LTC4S: variants seen among roughly 807,000 people sequenced by gnomAD.
LTC4S encodes leukotriene C4 synthase.
Under a neutral mutation model 19.6 loss-of-function variants are expected in LTC4S, and 18 were observed. The ratio of observed to expected loss-of-function variants is 0.92; its 90% confidence interval spans 0.64 to 1.36. The LOEUF is 1.36. Among genes scored for constraint, LTC4S ranks in the 40% most tolerant of loss-of-function variants. LTC4S has a pLI of 0.00. For missense variants in LTC4S, 235 were observed against 212.2 expected, an observed-to-expected ratio of 1.11 and a Z score of -0.67; for synonymous variants, 126 against 110.1, an observed-to-expected ratio of 1.14 and a Z score of -0.91.
rs766845561 is a variant in LTC4S at position 179,794,019 on chromosome 5, C to T, written c.-62C>T. On this transcript the variant is annotated 5_prime_UTR_variant, in exon 1 of 5. In the 5' UTR this introduces an upstream ATG that the reference lacks. Coordinates refer to ENST00000292596, the MANE Select transcript of LTC4S (RefSeq NM_145867.2). ...CCTGGGCCGTCCTCTGAGCAGCAGA[C>T]GGGGCTAAGCGTTCCCCAGCTCGCC... The T allele has an allele frequency of 7.1e-5, 114 of 1,611,762 alleles. No individual in the cohort carries two copies. The highest frequency in any genetic ancestry group is 9.3e-5 in the African/African-American group (7 of 74,884).
Position 179,796,262 on chromosome 5 carries a change from G to A in LTC4S, c.321G>A (p.Pro107=). The change falls in exon 5 of 5, where the codon CCG becomes CCA. Residue 107 remains proline (P), a synonymous_variant. Transcript: ENST00000292596. ...YARSAQLRLA[P]LYASARALWL... ...TGACCGCCGCCCGCAGGCTGGCACC[G>A]CTGTACGCGAGCGCGCGCGCCCTCT... 2.0e-6 allele frequency: 3 copies of A among 1,465,528 alleles called. No homozygotes were observed. Among genetic ancestry groups the A allele is most frequent in the South Asian group, 1.3e-5 (1 of 77,078 alleles). 90.8% of individuals were successfully genotyped at this position (1,465,528 alleles called of 1,614,324 possible).
At position 179,795,215 on chromosome 5, in the gene LTC4S, A is replaced by G. The variant is rs530649684; in HGVS notation, c.59-369A>G. The stretch of plus-strand genomic sequence containing the variant: ...CTCCCGAGGCACTTCCTGGCCAGGG[A>G]CCTGAAAGCTGCATTTGCCTGTGTT... On this transcript the variant is annotated intron_variant, in intron 1 of 4. Coordinates refer to ENST00000292596, the MANE Select transcript of LTC4S (RefSeq NM_145867.2). 84 of 338,252 alleles carry G rather than the reference A, an allele frequency of 2.5e-4. 1 individual carries two copies. The highest frequency in any genetic ancestry group is 1.9e-3 in the Middle Eastern group (2 of 1,026). 21.0% of individuals were successfully genotyped at this position (338,252 alleles called of 1,614,324 possible). A position where few individuals can be genotyped will look rare whatever the true frequency, so the allele number is the denominator to read the frequency against.
At position 179,794,804 on chromosome 5, in the gene LTC4S, G is replaced by A. The variant is rs566102079; in HGVS notation, c.58+666G>A. Among the ~76,000 whole-genome samples, 7 of 152,278 alleles carry A rather than the reference G, an allele frequency of 4.6e-5. No individual in the cohort carries two copies. The South Asian group carries it at 1.5e-3, about 32-fold the overall frequency. ...CCGACGGGAGGTCTGGGGAGGGAGC[G>A]CACAGCCAGCACTGGTCTGTGTGTG... On this transcript the variant is annotated intron_variant, in intron 1 of 4. Transcript: ENST00000292596.
Position 179,795,875 on chromosome 5 carries a change from GGC to G in LTC4S, c.229+22_229+23del, listed in dbSNP as rs768037337. 13 of 1,602,920 alleles carry G rather than the reference GGC, an allele frequency of 8.1e-6. No homozygotes were observed. In the African/African-American group the frequency reaches 1.6e-4, roughly 20 times the overall value. On this transcript the variant is annotated intron_variant, in intron 3 of 4. Coordinates refer to ENST00000292596, the MANE Select transcript of LTC4S (RefSeq NM_145867.2). Reference sequence around the variant, plus strand: ...CATGAAGGTCGGGGTGTGGGGCAGGGGCGCACGCGCTGGACCCCCGGGACCCG... The same window carrying G: ...CATGAAGGTCGGGGTGTGGGGCAGGGGCACGCGCTGGACCCCCGGGACCCG...
intron 4 of LTC4S, 60 bp from the exon 5 acceptor site, chr5:179,796,193 G>A: frequency 1.5e-6 from 2 of 1,351,668 alleles, no homozygotes; most frequent in Non-Finnish European, 1.9e-6. Flanking sequence ...TGGGGCCAGG[G>A]TTGCGGCGGG....
chr5:179,796,109 G>T, intron 4 of LTC4S, 87 bp downstream of exon 4: 1 of 1,314,722 alleles, frequency 7.6e-7, no homozygotes, highest in South Asian at 1.6e-5. Flanking sequence ...AGCTGGGGGC[G>T]GGCGACGGGC....
chr5:179,796,331 CCTCCCGGCCGCGCTGCG>C lies in LTC4S; in HGVS notation c.392_408del (p.Leu131ArgfsTer49). ...CTGCGCTCGGCCTGCTCGCCCACTT[CCTCCCGGCCGCGCTGCG>C]CGCCGCGCTCCTCGGACGGCTCCGG... On this transcript the variant is annotated frameshift_variant, in exon 5 of 5. Coordinates refer to ENST00000292596, the MANE Select transcript of LTC4S (RefSeq NM_145867.2). LOFTEE classifies it high-confidence loss of function. The C allele has an allele frequency of 6.7e-7, 1 of 1,487,590 alleles. No homozygotes were observed. Among genetic ancestry groups the C allele is most frequent in the East Asian group, 2.8e-5 (1 of 35,334 alleles). The allele number at this position is 1,487,590 out of a possible 1,614,324, so 92.1% of individuals were successfully genotyped here. A position where few individuals can be genotyped will look rare whatever the true frequency, so the allele number is the denominator to read the frequency against.
chr5:179,794,958 C>T (rs1490407035), intron 1 of LTC4S, among the ~76,000 whole-genome samples: 2 of 152,146 alleles, frequency 1.3e-5, no homozygotes, highest in Non-Finnish European at 2.9e-5. Flanking sequence ...CCAGCTGCAA[C>T]CTCCTGGGAG....
chr5:179,796,539 G>C lies in LTC4S; in HGVS notation c.*145G>C. On this transcript the variant is annotated 3_prime_UTR_variant, in exon 5 of 5. Coordinates refer to ENST00000292596, the MANE Select transcript of LTC4S (RefSeq NM_145867.2). ...CCGGGCTGCGTTCTCTGGGTCCGCG[G>C]GGGTGGCGCACCGCGGGCTACGGAG... The C allele has an allele frequency of 1.6e-6, 2 of 1,235,418 alleles. No individual in the cohort carries two copies. The highest frequency in any genetic ancestry group is 2.1e-6 in the Non-Finnish European group (2 of 967,760). The allele number at this position is 1,235,418 out of a possible 1,614,324, so 76.5% of individuals were successfully genotyped here. A position where few individuals can be genotyped will look rare whatever the true frequency, so the allele number is the denominator to read the frequency against.
chr5:179,796,604 G>A lies in LTC4S; in HGVS notation c.*210G>A. The stretch of plus-strand genomic sequence containing the variant: ...GCCCGAGTCCGGGCAGCCCGGGGCG[G>A]GCTTCCTAGTGGCGGCGTGAGAGTG... On this transcript the variant is annotated 3_prime_UTR_variant, in exon 5 of 5. Coordinates refer to ENST00000292596, the MANE Select transcript of LTC4S (RefSeq NM_145867.2). 1 of 667,046 alleles carries A rather than the reference G, an allele frequency of 1.5e-6. No homozygotes were observed. Among genetic ancestry groups the A allele is most frequent in the Non-Finnish European group, 2.2e-6 (1 of 456,936 alleles). 41.3% of individuals were successfully genotyped at this position (667,046 alleles called of 1,614,324 possible). A position where few individuals can be genotyped will look rare whatever the true frequency, so the allele number is the denominator to read the frequency against.
chr5:179,795,381 C>G lies in LTC4S; in HGVS notation c.59-203C>G, dbSNP rs769771847. The G allele has an allele frequency of 1.3e-3, 1,856 of 1,435,222 alleles. 2 individuals are homozygous for G. The highest frequency in any genetic ancestry group is 1.5e-3 in the Non-Finnish European group (1,699 of 1,098,192). The allele number at this position is 1,435,222 out of a possible 1,614,324, so 88.9% of individuals were successfully genotyped here. A position where few individuals can be genotyped will look rare whatever the true frequency, so the allele number is the denominator to read the frequency against. ...CTCTGCGCCCCAGGCTTCAGCCCTG[C>G]CCTCCTCGCTGAATGTCAGGGACAC... On this transcript the variant is annotated intron_variant, in intron 1 of 4. Coordinates refer to ENST00000292596, the MANE Select transcript of LTC4S (RefSeq NM_145867.2).
chr5:179,796,301 G>C lies in LTC4S; in HGVS notation c.360G>C (p.Ala120=). Residue 120 remains alanine (A), a synonymous_variant, in exon 5 of 5, where the codon GCG becomes GCC. Transcript: ENST00000292596. ...CGCGCGCCCTCTGGCTGCTGGTGGC[G>C]CTGGCTGCGCTCGGCCTGCTCGCCC... The part of the protein sequence containing the change: ...ASARALWLLV[A]LAALGLLAHF... The C allele has an allele frequency of 1.4e-6, 2 of 1,474,036 alleles. No individual in the cohort carries two copies. Among genetic ancestry groups the C allele is most frequent in the Admixed American group, 2.4e-5 (1 of 42,248 alleles). The allele number at this position is 1,474,036 out of a possible 1,614,324, so 91.3% of individuals were successfully genotyped here.
chr5:179,796,435 C>G lies in LTC4S; in HGVS notation c.*41C>G. 1.4e-6 allele frequency: 2 copies of G among 1,463,880 alleles called. No homozygotes were observed. The highest frequency in any genetic ancestry group is 1.5e-5 in the African/African-American group (1 of 67,840). The allele number at this position is 1,463,880 out of a possible 1,614,324, so 90.7% of individuals were successfully genotyped here. A position where few individuals can be genotyped will look rare whatever the true frequency, so the allele number is the denominator to read the frequency against. On this transcript the variant is annotated 3_prime_UTR_variant, in exon 5 of 5. Coordinates refer to ENST00000292596, the MANE Select transcript of LTC4S (RefSeq NM_145867.2). ...GCCGACGGAGCCGGGAAAGAAGAGC[C>G]GGAGCCTCCAGCTGCCCCGGGGAGG...
At position 179,795,701 on chromosome 5, in the gene LTC4S, G is replaced by A. The variant is rs766938653; in HGVS notation, c.158+18G>A. On this transcript the variant is annotated intron_variant, in intron 2 of 4. Coordinates refer to ENST00000292596, the MANE Select transcript of LTC4S (RefSeq NM_145867.2). ...CGAGCCCAGTGAGGCGCGGCGGGAG[G>A]GCGCGGGGCGGGGAGCGAGCCCCAG... 2.9e-4 allele frequency: 462 copies of A among 1,577,652 alleles called. No individual in the cohort carries two copies. The highest frequency in any genetic ancestry group is 2.9e-4 in the South Asian group (25 of 87,412).
chr5:179,795,825 G>A lies in LTC4S; in HGVS notation c.198G>A (p.Thr66=). ...CSEYFPLFLA[T]LWVAGIFFHE... ...AGTACTTCCCGCTGTTCCTCGCCAC[G>A]CTCTGGGTCGCCGGCATCTTCTTTC... Residue 66 remains threonine, a synonymous_variant, in exon 3 of 5, where the codon ACG becomes ACA. Transcript: ENST00000292596. The A allele has an allele frequency of 1.2e-6, 2 of 1,605,386 alleles. No homozygotes were observed. The highest frequency in any genetic ancestry group is 1.7e-6 in the Non-Finnish European group (2 of 1,177,492).
intron 1 of LTC4S, chr5:179,795,258 C>A: frequency 1.5e-6 from 1 of 660,006 alleles, no homozygotes; most frequent in Non-Finnish European, 2.2e-6. Flanking sequence ...TGAAATGATT[C>A]AGAAACAAGG....
rs533330702 is a variant in LTC4S at position 179,795,473 on chromosome 5, A to C, written c.59-111A>C. On this transcript the variant is annotated intron_variant, in intron 1 of 4. Coordinates refer to ENST00000292596, the MANE Select transcript of LTC4S (RefSeq NM_145867.2). ...CGGGGAGGGGGCGGGGTTCCGCCTT[A>C]GGGAGGAGAGGACACGGCCAAGTGA... The C allele has an allele frequency of 6.6e-6, 10 of 1,518,690 alleles. No homozygotes were observed. In the South Asian group the frequency reaches 1.2e-4, roughly 19 times the overall value. 94.1% of individuals were successfully genotyped at this position (1,518,690 alleles called of 1,614,324 possible).
At chr5:179,795,375 G>A (rs1756570025) in intron 1 of LTC4S, 2 of 1,433,850 alleles carry the variant, frequency 1.4e-6, no homozygotes, top group Non-Finnish European at 1.8e-6. Context: ...CCAGGCTTCA[G>A]CCCTGCCCTC....
intron 3 of LTC4S, 41 bp downstream of exon 3, chr5:179,795,897 G>T: frequency 6.3e-7 from 1 of 1,593,064 alleles, no homozygotes; most frequent in East Asian, 2.2e-5. Context: ...GGACCCCCGG[G>T]ACCCGCGCAG....
Sources: allele counts gnomAD v4.1 joint callset (sites outside exome capture counted in the v4.1 genomes callset), GRCh38; gene constraint gnomAD v4.1.1; transcripts MANE v1.5; gene names NCBI Gene and HGNC (gene_info 2026-07-23, HGNC 2026-07-21).